Variants in PRKN observed in about 807,000 individuals in gnomAD.
The protein encoded by PRKN is parkin RBR E3 ubiquitin protein ligase, also known as E3 ubiquitin-protein ligase parkin.
In PRKN, 56 loss-of-function variants were observed where a neutral mutation model predicts 59.5. The observed-to-expected ratio is 0.94, with a 90% CI of 0.76 to 1.18. The LOEUF (loss-of-function observed/expected upper bound fraction) is 1.18. Among genes scored for constraint, PRKN ranks in the 50% most tolerant of loss-of-function variants. PRKN has a pLI of 0.00. For synonymous variants in PRKN, 250 were observed against 222.1 expected (o/e 1.13, Z -1.12); for missense variants, 657 against 596.4 (o/e 1.10, Z -1.06).
chr6:161,447,683 C>G lies in PRKN; in HGVS notation c.1084-60806G>C, dbSNP rs369897540. Among the ~76,000 whole-genome samples, 1 of 152,182 alleles carries G rather than the reference C, an allele frequency of 6.6e-6. No homozygotes were observed. Among genetic ancestry groups the G allele is most frequent in the Non-Finnish European group, 1.5e-5 (1 of 68,038 alleles). ...TAATTTTTTGTATTTTTAGTAGACA[C>G]AGCGTTTCACCGTGTAAGCTAGGAT... On this transcript the variant is annotated intron_variant, in intron 9 of 11. Transcript: ENST00000366898. The surrounding 1 kb of genome is among the most constrained non-coding windows in gnomAD (Gnocchi z 4.1).
At chr6:162,063,403 A>G (rs1325255561) in intron 4 of PRKN, among the ~76,000 whole-genome samples, 1 of 152,188 alleles carries the variant, frequency 6.6e-6, no homozygotes, top group African/African-American at 2.4e-5. Context: ...TACAAGTTAA[A>G]ATCACAAGAT....
chr6:162,220,944 T>C (rs1183797147), intron 3 of PRKN, among the ~76,000 whole-genome samples: 1 of 152,214 alleles, frequency 6.6e-6, no homozygotes, highest in Non-Finnish European at 1.5e-5. Flanking sequence ...TTGAGCTAAA[T>C]TATCCTGCAT....
chr6:161,413,247 G>C lies in PRKN; in HGVS notation c.1084-26370C>G, dbSNP rs944030960. Among the ~76,000 whole-genome samples, 2 of 152,106 alleles carry C rather than the reference G, an allele frequency of 1.3e-5. No individual in the cohort carries two copies. Among genetic ancestry groups the C allele is most frequent in the Non-Finnish European group, 2.9e-5 (2 of 68,020 alleles). ...TCCCGGACACTGGCCTCCAGGGCACGGTCTGGAGGGTCTGTAAGACTCCCC... is the reference window on the plus strand; with the variant it reads ...TCCCGGACACTGGCCTCCAGGGCACCGTCTGGAGGGTCTGTAAGACTCCCC... On this transcript the variant is annotated intron_variant, in intron 9 of 11. Coordinates refer to ENST00000366898, the MANE Select transcript of PRKN (RefSeq NM_004562.3). This position sits in a 1 kb window ranked among gnomAD's most constrained non-coding sequence, Gnocchi z 4.4.
At chr6:161,758,065 T>C (rs1294314190) in intron 7 of PRKN, among the ~76,000 whole-genome samples, 1 of 151,064 alleles carries the variant, frequency 6.6e-6, no homozygotes, top group East Asian at 1.9e-4. Flanking sequence ...ACTTAAAAGA[T>C]TGATGATACC....
chr6:161,398,338 C>A (rs1452996375), intron 9 of PRKN, among the ~76,000 whole-genome samples: 1 of 152,136 alleles, frequency 6.6e-6, no homozygotes, highest in African/African-American at 2.4e-5. Flanking sequence ...AAATTCACAT[C>A]ACAGCACTGG....
At chr6:161,733,811 T>C (rs1401825022) in intron 7 of PRKN, among the ~76,000 whole-genome samples, 1 of 139,476 alleles carries the variant, frequency 7.2e-6, no homozygotes, top group African/African-American at 2.9e-5. Context: ...TATATATATA[T>C]ATATATATAT....
rs1446883542 is a variant in PRKN, at chr6:162,165,180, T to C, written c.534+35951A>G. Among the ~76,000 whole-genome samples, 5 of 149,050 alleles carry C rather than the reference T, an allele frequency of 3.4e-5. 1 individual carries two copies. Among genetic ancestry groups the C allele is most frequent in the East Asian group, 3.9e-4 (2 of 5,172 alleles). On this transcript the variant is annotated intron_variant, in intron 4 of 11. Transcript: ENST00000366898. ...CTCACACTATCATAAAATTTACATA[T>C]GTTGGATCCTAAACCTAAATGTGAA...
chr6:162,719,007 G>A (rs532316416), intron 1 of PRKN, among the ~76,000 whole-genome samples: 2 of 152,054 alleles, frequency 1.3e-5, no homozygotes, highest in East Asian at 1.9e-4. Context: ...CTCTAGAGAG[G>A]GACAAAAGGA....
chr6:162,135,206 A>G (rs1290528081), intron 4 of PRKN, among the ~76,000 whole-genome samples: 2 of 152,078 alleles, frequency 1.3e-5, no homozygotes, highest in East Asian at 1.9e-4. Context: ...GCCTGATCAT[A>G]GCTCACTGTA....
chr6:162,468,573 A>G (rs1450915821), intron 1 of PRKN, among the ~76,000 whole-genome samples: 1 of 152,248 alleles, frequency 6.6e-6, no homozygotes, highest in East Asian at 1.9e-4. Context: ...TGTCTTTAAC[A>G]TGCAGGAATG....
At chr6:161,420,657 G>A (rs187736334) in intron 9 of PRKN, among the ~76,000 whole-genome samples, 9 of 152,038 alleles carry the variant, frequency 5.9e-5, no homozygotes, top group South Asian at 4.2e-4. Context: ...CCACAGGCAC[G>A]CGCCACCATG....
intron 1 of PRKN, among the ~76,000 whole-genome samples, chr6:162,461,678 A>G (rs74471690): frequency 0.19 from 29,117 of 150,980 alleles, 3,235 homozygotes; most frequent in African/African-American, 0.3. Flanking sequence ...AAAATTAGCC[A>G]GGTGTGGTGG....
chr6:162,252,961 G>A (rs1288075441), intron 3 of PRKN, among the ~76,000 whole-genome samples: 2 of 152,346 alleles, frequency 1.3e-5, no homozygotes, highest in East Asian at 3.9e-4. Context: ...CCAGCACTGT[G>A]TTAGGTACTG....
At chr6:161,443,617 G>A (rs1789349891) in intron 9 of PRKN, among the ~76,000 whole-genome samples, 1 of 152,062 alleles carries the variant, frequency 6.6e-6, no homozygotes, top group Non-Finnish European at 1.5e-5. Flanking sequence ...AGATAACCCA[G>A]AGTGGACAGT....
At chr6:162,586,740 T>C (rs34177053) in intron 1 of PRKN, among the ~76,000 whole-genome samples, 18,688 of 152,206 alleles carry the variant, frequency 0.12, 1,261 homozygotes, top group Middle Eastern at 0.2. Flanking sequence ...GAAAAAGAAG[T>C]TCTGTAAACA....
chr6:162,114,867 A>G (rs967337162), intron 4 of PRKN, among the ~76,000 whole-genome samples: 1 of 152,082 alleles, frequency 6.6e-6, no homozygotes, highest in African/African-American at 2.4e-5. Context: ...GAGGATGTGG[A>G]GAAATAGGAA....
intron 9 of PRKN, among the ~76,000 whole-genome samples, chr6:161,406,591 G>A (rs1212236448): frequency 6.6e-6 from 1 of 151,404 alleles, no homozygotes; most frequent in Non-Finnish European, 1.5e-5. Flanking sequence ...CAACAAAGTG[G>A]CTTCTTAGTA....
chr6:162,617,094 T>G (rs1782453590), intron 1 of PRKN, among the ~76,000 whole-genome samples: 1 of 152,162 alleles, frequency 6.6e-6, no homozygotes, highest in African/African-American at 2.4e-5. Context: ...CAATGTGATA[T>G]TTTGATATAT....
At chr6:161,752,072 A>G (rs1397238565) in intron 7 of PRKN, among the ~76,000 whole-genome samples, 1 of 152,254 alleles carries the variant, frequency 6.6e-6, no homozygotes, top group African/African-American at 2.4e-5. Context: ...TATTTTTCCT[A>G]AGGAATCCGT....
Sources: gnomAD v4.1 joint callset for allele counts (sites outside exome capture counted in the v4.1 genomes callset) on GRCh38, gnomAD v4.1.1 for gene constraint, Gnocchi (gnomAD v3.1) non-coding constraint, MANE v1.5 for transcripts, NCBI Gene and HGNC (gene_info 2026-07-23, HGNC 2026-07-21) for gene names.